The following TGFBR2 variants were observed in gnomAD, a reference collection of about 807,000 sequenced individuals.
TGFBR2 encodes TGF-beta receptor type-2.
In TGFBR2, 18 loss-of-function variants were observed where a neutral mutation model predicts 49.0. The observed-to-expected ratio is 0.37, with a 90% CI of 0.25 to 0.54. The LOEUF is 0.54. Among genes scored for constraint, TGFBR2 ranks in the 20% least tolerant of loss-of-function variants. The pLI, the probability that TGFBR2 is intolerant of heterozygous loss-of-function variation, is 0.85. For missense variants in TGFBR2, 525 were observed against 722.6 expected (o/e 0.73, Z 3.13); for synonymous variants, 282 against 275.9 (o/e 1.02, Z -0.22).
intron 3 of TGFBR2, 78 bp from the exon 4 acceptor site, chr3:30,671,560 T>G (rs1054463510): frequency 2.1e-5 from 30 of 1,421,782 alleles, no homozygotes; most frequent in Non-Finnish European, 2.9e-5. Context: ...CTATAGATGC[T>G]CAGGCATGAA....
chr3:30,644,102 T>C (rs1048166482), intron 1 of TGFBR2, among the ~76,000 whole-genome samples: 8 of 152,142 alleles, frequency 5.3e-5, no homozygotes, highest in East Asian at 3.9e-4. Context: ...AGTTAATCAA[T>C]TGATTTGCCT....
chr3:30,690,119 G>C (rs182846350), intron 6 of TGFBR2, among the ~76,000 whole-genome samples: 1 of 152,110 alleles, frequency 6.6e-6, no homozygotes, highest in Non-Finnish European at 1.5e-5. Flanking sequence ...AAAAGTGCCA[G>C]CTCTCCCAGG....
At chr3:30,631,285 C>T (rs896134335) in intron 1 of TGFBR2, among the ~76,000 whole-genome samples, 3 of 152,026 alleles carry the variant, frequency 2.0e-5, no homozygotes, top group African/African-American at 4.8e-5. Flanking sequence ...CGTGATTCAC[C>T]CACCTCGGCC....
intron 5 of TGFBR2, among the ~76,000 whole-genome samples, chr3:30,678,516 C>T (rs954001148): frequency 7.7e-5 from 11 of 142,536 alleles, no homozygotes; most frequent in Admixed American, 4.7e-4. Flanking sequence ...CCACTGTTCT[C>T]CAGCCTGGGC....
intron 5 of TGFBR2, among the ~76,000 whole-genome samples, chr3:30,686,443 T>C (rs182026069): frequency 2.4e-4 from 37 of 152,260 alleles, no homozygotes; most frequent in African/African-American, 8.2e-4. Context: ...GAGGCCTTCA[T>C]CCCAAATTCC....
intron 1 of TGFBR2, among the ~76,000 whole-genome samples, chr3:30,631,157 C>T (rs1243682100): frequency 1.3e-5 from 2 of 151,500 alleles, no homozygotes; most frequent in East Asian, 3.9e-4. Context: ...TCTCCTGCCT[C>T]AGCCTCCTGA....
At chr3:30,617,969 C>G (rs1698160917) in intron 1 of TGFBR2, among the ~76,000 whole-genome samples, 1 of 152,176 alleles carries the variant, frequency 6.6e-6, no homozygotes, top group Non-Finnish European at 1.5e-5. Flanking sequence ...TGGATCACAT[C>G]AGGCTTGTTT....
At chr3:30,669,751 A>C (rs1282508180) in intron 3 of TGFBR2, among the ~76,000 whole-genome samples, 1 of 152,234 alleles carries the variant, frequency 6.6e-6, no homozygotes, top group Non-Finnish European at 1.5e-5. Flanking sequence ...GCAAGCTCCC[A>C]GCTTGCCTGT....
chr3:30,662,605 G>T (rs1370376466), intron 3 of TGFBR2, among the ~76,000 whole-genome samples: 1 of 152,196 alleles, frequency 6.6e-6, no homozygotes, highest in Non-Finnish European at 1.5e-5. Flanking sequence ...CATTGCTAGT[G>T]AGCTTACTGT....
At chr3:30,627,134 T>A (rs1373229913) in intron 1 of TGFBR2, among the ~76,000 whole-genome samples, 2 of 152,188 alleles carry the variant, frequency 1.3e-5, no homozygotes, top group Non-Finnish European at 2.9e-5. Context: ...GGACTTTCAG[T>A]ATCCCCCAAT....
intron 1 of TGFBR2, chr3:30,626,333 G>A (rs1180662687): frequency 2.0e-5 from 3 of 152,222 alleles, no homozygotes; most frequent in Non-Finnish European, 4.4e-5. Flanking sequence ...GCAAATACAG[G>A]CCTATCTAAA....
rs886058313 is a variant in TGFBR2 at position 30,692,312 on chromosome 3, G to A, written c.*713G>A. 10 of 230,010 alleles carry A rather than the reference G, an allele frequency of 4.3e-5. No homozygotes were observed. The highest frequency in any genetic ancestry group is 6.9e-5 in the Non-Finnish European group (8 of 115,962). The allele number at this position is 230,010 out of a possible 1,614,324, so 14.2% of individuals were successfully genotyped here. On this transcript the variant is annotated 3_prime_UTR_variant, in exon 7 of 7. Coordinates refer to ENST00000295754, the MANE Select transcript of TGFBR2 (RefSeq NM_003242.6). The stretch of plus-strand genomic sequence containing the variant: ...CCTGGACTTTTCATTTAAGCTCCAA[G>A]CCCCAAATCTGGGGGGCTAGTTTAG...
chr3:30,688,109 C>T (rs535419813), intron 5 of TGFBR2, among the ~76,000 whole-genome samples: 1 of 152,324 alleles, frequency 6.6e-6, no homozygotes, highest in East Asian at 1.9e-4. Context: ...AGCTCCGTGA[C>T]CCTCTCTATC....
At chr3:30,660,522 G>A (rs1029249789) in intron 3 of TGFBR2, among the ~76,000 whole-genome samples, 6 of 152,136 alleles carry the variant, frequency 3.9e-5, no homozygotes, top group South Asian at 4.1e-4. Context: ...TATATTTTTC[G>A]TCACGTTCCC....
At chr3:30,620,262 A>G (rs1345752883) in intron 1 of TGFBR2, among the ~76,000 whole-genome samples, 5 of 152,144 alleles carry the variant, frequency 3.3e-5, no homozygotes, top group Admixed American at 3.3e-4. Context: ...TGATTTTGCC[A>G]TAGCTCTTAG....
chr3:30,613,131 C>CTTTT (rs5847644), intron 1 of TGFBR2, among the ~76,000 whole-genome samples: 1 of 129,322 alleles, frequency 7.7e-6, no homozygotes. Context: ...ACATGCAGCT[C>CTTTT]TTTTTTTTTT....
At chr3:30,628,247 A>G (rs1181501478) in intron 1 of TGFBR2, among the ~76,000 whole-genome samples, 1 of 152,066 alleles carries the variant, frequency 6.6e-6, no homozygotes, top group East Asian at 1.9e-4. Context: ...AACCGTTACA[A>G]ACTTCTCCTG....
chr3:30,615,851 A>G (rs1030936607), intron 1 of TGFBR2, among the ~76,000 whole-genome samples: 2 of 152,016 alleles, frequency 1.3e-5, no homozygotes, highest in African/African-American at 4.8e-5. Flanking sequence ...GCAGTCCTCT[A>G]GAGTAGCTCG....
At chr3:30,623,132 C>A (rs573622337) in intron 1 of TGFBR2, 2 of 836,372 alleles carry the variant, frequency 2.4e-6, no homozygotes, top group Non-Finnish European at 4.0e-6. Context: ...AAAACAGTTT[C>A]ACTTTCCTGT....
Sources: allele counts gnomAD v4.1 joint callset (sites outside exome capture counted in the v4.1 genomes callset), GRCh38; gene constraint gnomAD v4.1.1; transcripts MANE v1.5; gene names NCBI Gene and HGNC (gene_info 2026-07-23, HGNC 2026-07-21).